Variants in REEP3 observed in about 807,000 individuals in gnomAD.
The protein encoded by REEP3 is receptor accessory protein 3.
In REEP3, 20 loss-of-function variants were observed where a neutral mutation model predicts 41.3. The ratio of observed to expected loss-of-function variants is 0.48; its 90% CI spans 0.34 to 0.70. The LOEUF is 0.70. REEP3 is among the 30% of genes least tolerant of loss of function. The pLI, the probability that REEP3 is intolerant of heterozygous loss-of-function variation, is 0.01. For synonymous variants in REEP3, 104 were observed against 101.8 expected, an observed-to-expected ratio of 1.02 and a Z score of -0.13; for missense variants, 271 against 308.8, an observed-to-expected ratio of 0.88 and a Z score of 0.92.
At chr10:63,570,147 G>C (rs985605589) in intron 2 of REEP3, among the ~76,000 whole-genome samples, 10 of 152,232 alleles carry the variant, frequency 6.6e-5, no homozygotes, top group Admixed American at 4.6e-4. Context: ...ATTGGGGATT[G>C]ATAAGGATGG....
At chr10:63,609,234 C>T (rs1358503691) in intron 5 of REEP3, among the ~76,000 whole-genome samples, 2 of 151,306 alleles carry the variant, frequency 1.3e-5, no homozygotes, top group Non-Finnish European at 2.9e-5. Flanking sequence ...AGGCGGATCA[C>T]GAGTTCAGGA....
intron 1 of REEP3, chr10:63,562,591 T>C (rs1293344003): frequency 1.3e-5 from 6 of 456,346 alleles, no homozygotes; most frequent in Admixed American, 2.3e-5. Flanking sequence ...TGGCTTCTAG[T>C]TGGTAAGTAT....
intron 1 of REEP3, among the ~76,000 whole-genome samples, chr10:63,564,033 G>C (rs1474799672): frequency 6.6e-6 from 1 of 152,168 alleles, no homozygotes; most frequent in Admixed American, 6.5e-5. Context: ...ATAGAGAAAG[G>C]AGACTAGGTA....
chr10:63,547,161 C>T (rs1311840372), intron 1 of REEP3, among the ~76,000 whole-genome samples: 1 of 151,958 alleles, frequency 6.6e-6, no homozygotes, highest in Non-Finnish European at 1.5e-5. Context: ...ACCTCGTGAT[C>T]TGCCTGCCTC....
At chr10:63,592,099 T>C (rs766588640) in intron 2 of REEP3, among the ~76,000 whole-genome samples, 2 of 152,100 alleles carry the variant, frequency 1.3e-5, no homozygotes, top group Non-Finnish European at 2.9e-5. Context: ...TGATAATATG[T>C]ACACTGAGGT....
At chr10:63,589,273 T>C (rs957879577) in intron 2 of REEP3, among the ~76,000 whole-genome samples, 2 of 151,938 alleles carry the variant, frequency 1.3e-5, no homozygotes, top group Middle Eastern at 3.2e-3. Context: ...ATTTCTATTC[T>C]GGGTGTTTCA....
intron 1 of REEP3, among the ~76,000 whole-genome samples, chr10:63,550,425 A>G (rs1277594477): frequency 6.6e-6 from 1 of 152,232 alleles, no homozygotes; most frequent in African/African-American, 2.4e-5. Flanking sequence ...CTATGGGATT[A>G]TATCTAGTGT....
chr10:63,532,653 CAA>C (rs538797348), intron 1 of REEP3, among the ~76,000 whole-genome samples: 31 of 119,034 alleles, frequency 2.6e-4, no homozygotes, highest in Admixed American at 3.5e-4. Context: ...GAGACTCCGT[CAA>C]AAAAAAAAAA....
At chr10:63,558,603 A>G (rs770996238) in intron 1 of REEP3, among the ~76,000 whole-genome samples, 2 of 152,184 alleles carry the variant, frequency 1.3e-5, no homozygotes, top group Non-Finnish European at 2.9e-5. Context: ...CCTGGCCAAC[A>G]TGGCAAGACC....
chr10:63,536,877 C>T (rs1021402364), intron 1 of REEP3, among the ~76,000 whole-genome samples: 1 of 152,150 alleles, frequency 6.6e-6, no homozygotes, highest in African/African-American at 2.4e-5. Context: ...AAGATGTGTA[C>T]AGCAACAGGA....
At chr10:63,574,367 T>C (rs1589872408) in intron 2 of REEP3, among the ~76,000 whole-genome samples, 1 of 152,200 alleles carries the variant, frequency 6.6e-6, no homozygotes, top group East Asian at 1.9e-4. Flanking sequence ...AGAGGTAAAG[T>C]GCACAATGTC....
chr10:63,563,698 A>C (rs1015445498), intron 1 of REEP3, among the ~76,000 whole-genome samples: 1 of 146,048 alleles, frequency 6.8e-6, no homozygotes, highest in South Asian at 2.1e-4. Flanking sequence ...CAAATAATAT[A>C]GTACTAAAAA....
chr10:63,563,079 A>C (rs1955758854), intron 1 of REEP3: 1 of 439,550 alleles, frequency 2.3e-6, no homozygotes, highest in African/African-American at 2.0e-5. Context: ...CCAAGGAAAG[A>C]GGCCTCAGAA....
At chr10:63,603,183 G>GT (rs1229591713) in intron 5 of REEP3, among the ~76,000 whole-genome samples, 2 of 151,540 alleles carry the variant, frequency 1.3e-5, no homozygotes, top group Non-Finnish European at 2.9e-5. Flanking sequence ...CGTGGTGGTG[G>GT]GTGCCTGTAG....
At chr10:63,599,354 A>G in intron 5 of REEP3, 71 bp downstream of exon 5, 1 of 609,608 alleles carries the variant, frequency 1.6e-6, no homozygotes, top group South Asian at 3.2e-5. Context: ...TCTTATTTCA[A>G]ACCATTATAA....
chr10:63,606,943 T>A (rs1956234167), intron 5 of REEP3, among the ~76,000 whole-genome samples: 1 of 152,242 alleles, frequency 6.6e-6, no homozygotes, highest in Non-Finnish European at 1.5e-5. Context: ...ATATTATGCA[T>A]GTGCTATAGA....
intron 6 of REEP3, among the ~76,000 whole-genome samples, chr10:63,614,476 G>A (rs1419285704): frequency 6.6e-6 from 1 of 152,202 alleles, no homozygotes; most frequent in Non-Finnish European, 1.5e-5. Flanking sequence ...TGTCTGAGCT[G>A]AAAAGAGTCA....
At chr10:63,584,242 T>C (rs1053988479) in intron 2 of REEP3, among the ~76,000 whole-genome samples, 1 of 152,104 alleles carries the variant, frequency 6.6e-6, no homozygotes, top group African/African-American at 2.4e-5. Flanking sequence ...AATTAGAAAC[T>C]GCAGGTAAAC....
In REEP3 at chr10:63,624,409, T is replaced by TTAG. The variant is rs1197387674; in HGVS notation, c.*3541_*3542insAGT. On this transcript the variant is annotated 3_prime_UTR_variant, in exon 8 of 8. Transcript: ENST00000373758. ...ATTGACCATGACTTAACATTTTGCCTTCTAACACCTTTTAAATCTATGTAC... is the reference window on the plus strand; with the variant it reads ...ATTGACCATGACTTAACATTTTGCCTTAGTCTAACACCTTTTAAATCTATGTAC... 7 of 152,160 alleles carry TTAG rather than the reference T, an allele frequency of 4.6e-5. No individual in the cohort carries two copies. The allele number at this position is 152,160 out of a possible 1,614,324, so 9.4% of individuals were successfully genotyped here. A position where few individuals can be genotyped will look rare whatever the true frequency, so the allele number is the denominator to read the frequency against.
Sources: allele counts gnomAD v4.1 joint callset (sites outside exome capture counted in the v4.1 genomes callset), GRCh38; gene constraint gnomAD v4.1.1; transcripts MANE v1.5; gene names NCBI Gene and HGNC (gene_info 2026-07-23, HGNC 2026-07-21).